Variants in PITPNM2 observed in about 807,000 individuals in gnomAD.
The protein encoded by PITPNM2 is phosphatidylinositol transfer protein membrane associated 2, also known as membrane-associated phosphatidylinositol transfer protein 2.
In PITPNM2, 35 loss-of-function variants were observed where a neutral mutation model predicts 132.2. The observed-to-expected ratio is 0.26, with a 90% CI of 0.20 to 0.35. The LOEUF (loss-of-function observed/expected upper bound fraction) is 0.35, where lower values mean the gene tolerates loss of function less well. PITPNM2 is among the 10% of genes least tolerant of loss of function. The probability of loss-of-function intolerance (pLI) is 1.00; values close to 1 mark genes in which losing one functional copy is unlikely to be tolerated. For synonymous variants in PITPNM2, 738 were observed against 799.2 expected (o/e 0.92, Z 1.29); for missense variants, 1,332 against 1,912.0 (o/e 0.70, Z 5.66).
At chr12:122,989,017 G>T in intron 18 of PITPNM2, 145 bp from the exon 19 acceptor site, 1 of 991,360 alleles carries the variant, frequency 1.0e-6, no homozygotes, top group Non-Finnish European at 1.4e-6. Context: ...CAGGCTGGGT[G>T]AGTGAGGCAA....
rs762988084 is a variant in PITPNM2 at position 122,997,308 on chromosome 12, G to A, written c.1472+17C>T. ...GTGCACTGCCGGAGGCTGCAATCAA[G>A]GGCAGATGCCACTCACTTGGAGACC... is the stretch of plus-strand genomic sequence containing the variant. On this transcript the variant is annotated intron_variant, in intron 11 of 25. Transcript: ENST00000320201. 1 of 1,611,874 alleles carries A rather than the reference G, an allele frequency of 6.2e-7. No homozygotes were observed. Among genetic ancestry groups the A allele is most frequent in the South Asian group, 1.1e-5 (1 of 90,990 alleles).
At chr12:122,991,735 G>C in intron 16 of PITPNM2, 1 of 1,295,678 alleles carries the variant, frequency 7.7e-7, no homozygotes, top group Non-Finnish European at 9.8e-7. Context: ...ACGTCACCAC[G>C]AGCAGGGGAG....
At chr12:123,122,678 TCTTCCAGACCACAAC>T (rs1281417419) in intron 1 of PITPNM2, among the ~76,000 whole-genome samples, 1 of 152,002 alleles carries the variant, frequency 6.6e-6, no homozygotes, top group Non-Finnish European at 1.5e-5. Context: ...CAGGAACATA[TCTTCCAGACCACAAC>T]CTGACTACAG....
At chr12:122,990,297 C>T (rs1302237428) in intron 17 of PITPNM2, among the ~76,000 whole-genome samples, 2 of 152,266 alleles carry the variant, frequency 1.3e-5, no homozygotes, top group African/African-American at 2.4e-5. Context: ...CTTCCAGAAT[C>T]CTCCTGAGAA....
intron 2 of PITPNM2, among the ~76,000 whole-genome samples, chr12:123,073,903 C>T (rs964711028): frequency 1.3e-5 from 2 of 152,160 alleles, no homozygotes; most frequent in East Asian, 1.9e-4. Context: ...GGTGGGTGGC[C>T]GTGGAGTGCA....
At chr12:123,075,804 T>C (rs775452469) in intron 2 of PITPNM2, 1 of 152,264 alleles carries the variant, frequency 6.6e-6, no homozygotes, top group Non-Finnish European at 1.5e-5. Flanking sequence ...ACTCACGATC[T>C]ACCTCAGGCA....
chr12:123,101,639 G>A (rs889586749), intron 2 of PITPNM2, among the ~76,000 whole-genome samples: 4 of 152,146 alleles, frequency 2.6e-5, no homozygotes, highest in African/African-American at 9.7e-5. Context: ...TTCGTCATGT[G>A]TTAAGTGGCC....
chr12:123,000,338 C>T lies in PITPNM2; in HGVS notation c.1224+440G>A, dbSNP rs2038604670. 1 of 695,962 alleles carries T rather than the reference C, an allele frequency of 1.4e-6. No individual in the cohort carries two copies. Among genetic ancestry groups the T allele is most frequent in the Admixed American group, 2.0e-5 (1 of 48,934 alleles). The allele number at this position is 695,962 out of a possible 1,614,324, so 43.1% of individuals were successfully genotyped here. A position where few individuals can be genotyped will look rare whatever the true frequency, so the allele number is the denominator to read the frequency against. On this transcript the variant is annotated intron_variant, in intron 10 of 25. Transcript: ENST00000320201. This position sits in a 1 kb window ranked among gnomAD's most constrained non-coding sequence, Gnocchi z 5.4. ...ACAGTTTTATTGGACACACTGAGCTCCGCCTGCCTCCCGCGGGGCCATCTT... is the reference window on the plus strand; with the variant it reads ...ACAGTTTTATTGGACACACTGAGCTTCGCCTGCCTCCCGCGGGGCCATCTT...
chr12:123,081,614 A>G (rs776941828), intron 2 of PITPNM2: 2 of 152,186 alleles, frequency 1.3e-5, no homozygotes, highest in Non-Finnish European at 2.9e-5. Context: ...CACTTCGCAG[A>G]TGCAAAAATC....
At chr12:123,122,978 T>C (rs2043061581) in intron 1 of PITPNM2, among the ~76,000 whole-genome samples, 1 of 152,216 alleles carries the variant, frequency 6.6e-6, no homozygotes, top group Non-Finnish European at 1.5e-5. Flanking sequence ...TAGCAATTGC[T>C]AACAAAAATA....
At chr12:123,126,475 C>A (rs1028767124) in intron 1 of PITPNM2, among the ~76,000 whole-genome samples, 2 of 152,158 alleles carry the variant, frequency 1.3e-5, no homozygotes, top group Non-Finnish European at 2.9e-5. Flanking sequence ...GGGCTTTAGT[C>A]CTAGGAGAAC....
chr12:123,017,395 T>G (rs973193263), intron 3 of PITPNM2, among the ~76,000 whole-genome samples: 3 of 151,854 alleles, frequency 2.0e-5, no homozygotes, highest in African/African-American at 7.2e-5. Flanking sequence ...AGTTTAGCAC[T>G]TTCTCAAAAA....
intron 10 of PITPNM2, among the ~76,000 whole-genome samples, chr12:122,999,905 C>T (rs747905584): frequency 2.7e-4 from 41 of 152,146 alleles, no homozygotes; most frequent in Non-Finnish European, 1.9e-4. Context: ...CCTGGGGGGG[C>T]GTCAGAGCTG....
chr12:123,085,549 C>G (rs2042088302), intron 2 of PITPNM2, among the ~76,000 whole-genome samples: 1 of 152,012 alleles, frequency 6.6e-6, no homozygotes, highest in Non-Finnish European at 1.5e-5. Flanking sequence ...GGTGCAGTTT[C>G]TGTTTGGGAT....
chr12:123,112,022 C>T (rs921821089), intron 1 of PITPNM2, among the ~76,000 whole-genome samples: 11 of 152,134 alleles, frequency 7.2e-5, no homozygotes, highest in African/African-American at 2.7e-4. Flanking sequence ...CAATGCTTCT[C>T]GGCGGGTGAG....
intron 2 of PITPNM2, among the ~76,000 whole-genome samples, chr12:123,057,764 G>A (rs1341660246): frequency 1.3e-5 from 2 of 152,204 alleles, no homozygotes; most frequent in Non-Finnish European, 2.9e-5. Context: ...CCCTAGTTGA[G>A]GAACAAGCCC....
chr12:123,151,317 C>G (rs1188331311), upstream of PITPNM2, among the ~76,000 whole-genome samples: 2 of 151,632 alleles, frequency 1.3e-5, no homozygotes, highest in African/African-American at 4.8e-5. Context: ...TCCTCAGGGC[C>G]CGGGACTGGA....
At chr12:123,038,730 C>G (rs1169201055) in intron 2 of PITPNM2, among the ~76,000 whole-genome samples, 2 of 151,304 alleles carry the variant, frequency 1.3e-5, no homozygotes, top group African/African-American at 4.9e-5. Flanking sequence ...CATGGCCAGG[C>G]TGCATCTTGG....
rs879926607 is a variant in PITPNM2 at position 123,119,514 on chromosome 12, C to T, written c.-199-9026G>A. On this transcript the variant is annotated intron_variant, in intron 1 of 25. Coordinates refer to ENST00000320201, the MANE Select transcript of PITPNM2 (RefSeq NM_020845.3). ...CTGGGACTACAGGCACCCGCCACCACGCCTGGCTAATTTTTTGTATTTTTT... is the reference window on the plus strand; with the variant it reads ...CTGGGACTACAGGCACCCGCCACCATGCCTGGCTAATTTTTTGTATTTTTT... Among the ~76,000 whole-genome samples, 5 of 152,156 alleles carry T rather than the reference C, an allele frequency of 3.3e-5. No individual in the cohort carries two copies. In the East Asian group the frequency reaches 5.8e-4, roughly 18 times the overall value.
Sources: allele counts gnomAD v4.1 joint callset (sites outside exome capture counted in the v4.1 genomes callset), GRCh38; gene constraint gnomAD v4.1.1; non-coding constraint Gnocchi (gnomAD v3.1); transcripts MANE v1.5; gene names NCBI Gene and HGNC (gene_info 2026-07-23, HGNC 2026-07-21).